SORCS2: variants seen among roughly 807,000 people sequenced by gnomAD.
SORCS2 encodes the protein VPS10 domain-containing receptor SorCS2.
A neutral mutation model predicts 141.6 loss-of-function variants in SORCS2; 100 were observed. The ratio of observed to expected loss-of-function variants is 0.71; its 90% CI spans 0.60 to 0.83. SORCS2 has a LOEUF of 0.83. Ranked by LOEUF, SORCS2 falls within the 40% of genes least tolerant of loss-of-function variation. The pLI is 0.00. For synonymous variants in SORCS2, 789 were observed against 676.9 expected (o/e 1.17, Z -2.57); for missense variants, 1,646 against 1,560.2 (o/e 1.05, Z -0.93).
intron 1 of SORCS2, among the ~76,000 whole-genome samples, chr4:7,374,171 C>G (rs1360023162): frequency 7.4e-6 from 1 of 135,592 alleles, no homozygotes; most frequent in African/African-American, 2.9e-5. Context: ...TTCTTTCTTT[C>G]TTTCTTTCTT....
intron 3 of SORCS2, among the ~76,000 whole-genome samples, chr4:7,570,219 G>A (rs1348483447): frequency 6.6e-6 from 1 of 152,216 alleles, no homozygotes; most frequent in Non-Finnish European, 1.5e-5. Flanking sequence ...CCCGTCTGCT[G>A]TGGAGTTCCG....
intron 3 of SORCS2, among the ~76,000 whole-genome samples, chr4:7,583,860 T>G (rs1716350212): frequency 6.6e-6 from 1 of 152,226 alleles, no homozygotes; most frequent in African/African-American, 2.4e-5. Flanking sequence ...TGTGGTTCAG[T>G]TTTATTCCCA....
chr4:7,704,418 G>C (rs1232373946), intron 14 of SORCS2, 134 bp downstream of exon 14: 31 of 788,934 alleles, frequency 3.9e-5, no homozygotes, highest in African/African-American at 8.6e-5. Context: ...AGGTCCCCTT[G>C]CTGGTGAGGA....
intron 1 of SORCS2, among the ~76,000 whole-genome samples, chr4:7,250,668 T>G (rs1713442305): frequency 6.6e-6 from 1 of 152,252 alleles, no homozygotes; most frequent in Non-Finnish European, 1.5e-5. Context: ...CCTTGGGGTC[T>G]TTCATGTATT....
At chr4:7,500,510 G>A (rs1731897884) in intron 2 of SORCS2, among the ~76,000 whole-genome samples, 1 of 152,146 alleles carries the variant, frequency 6.6e-6, no homozygotes, top group African/African-American at 2.4e-5. Flanking sequence ...CAGATCTGAG[G>A]AGATAGCCAG....
At chr4:7,491,609 C>A (rs1391944643) in intron 2 of SORCS2, among the ~76,000 whole-genome samples, 1 of 152,226 alleles carries the variant, frequency 6.6e-6, no homozygotes, top group African/African-American at 2.4e-5. Flanking sequence ...CCAGCAGGTC[C>A]CTTGACCTCT....
intron 1 of SORCS2, among the ~76,000 whole-genome samples, chr4:7,393,227 G>A (rs184104918): frequency 9.5e-4 from 145 of 152,198 alleles, no homozygotes; most frequent in African/African-American, 3.4e-3. Context: ...TGTGGGCTGC[G>A]GGCTCAGGCA....
chr4:7,198,707 T>A (rs1264609677), intron 1 of SORCS2, among the ~76,000 whole-genome samples: 1 of 152,148 alleles, frequency 6.6e-6, no homozygotes, highest in African/African-American at 2.4e-5. Context: ...CTGTCATACT[T>A]GCTGTCAGGA....
At chr4:7,548,547 AG>A (rs1713445686) in intron 3 of SORCS2, among the ~76,000 whole-genome samples, 1 of 152,158 alleles carries the variant, frequency 6.6e-6, no homozygotes, top group South Asian at 2.1e-4. Context: ...AGACAAAGGG[AG>A]GCCCAGCACA....
At chr4:7,580,135 C>G (rs1716046124) in intron 3 of SORCS2, among the ~76,000 whole-genome samples, 2 of 152,212 alleles carry the variant, frequency 1.3e-5, no homozygotes, top group Non-Finnish European at 2.9e-5. Context: ...CATATAGTAA[C>G]TTGTCATTTT....
chr4:7,209,616 G>C (rs1379833453), intron 1 of SORCS2, among the ~76,000 whole-genome samples: 1 of 152,100 alleles, frequency 6.6e-6, no homozygotes, highest in Admixed American at 6.5e-5. Context: ...GTTTGGAGCA[G>C]TCAGGCACAG....
chr4:7,566,202 G>A (rs1425830679), intron 3 of SORCS2, among the ~76,000 whole-genome samples: 8 of 151,926 alleles, frequency 5.3e-5, no homozygotes. Flanking sequence ...TGGTGATGGT[G>A]ATGGTGGTGA....
intron 14 of SORCS2, 27 bp downstream of exon 14, chr4:7,704,311 A>C: frequency 6.3e-7 from 1 of 1,578,148 alleles, no homozygotes; most frequent in Non-Finnish European, 8.6e-7. Context: ...GGGAGTGGGC[A>C]CTGGTGGCAG....
At chr4:7,227,986 C>T (rs73079898) in intron 1 of SORCS2, among the ~76,000 whole-genome samples, 36 of 152,258 alleles carry the variant, frequency 2.4e-4, no homozygotes, top group African/African-American at 7.5e-4. Context: ...GATGACTGAA[C>T]GGGAGCAAGC....
intron 2 of SORCS2, among the ~76,000 whole-genome samples, chr4:7,399,743 T>C (rs1724452317): frequency 6.6e-6 from 1 of 152,158 alleles, no homozygotes. Flanking sequence ...CAAAGCCCAA[T>C]GTGTAGACTG....
At chr4:7,438,908 T>G (rs910252293) in intron 2 of SORCS2, among the ~76,000 whole-genome samples, 8 of 152,126 alleles carry the variant, frequency 5.3e-5, no homozygotes, top group Non-Finnish European at 1.0e-4. Context: ...GATGCCTAAA[T>G]TGTCCCAGAT....
chr4:7,685,138 G>A (rs1474458220), intron 10 of SORCS2, among the ~76,000 whole-genome samples: 2 of 152,322 alleles, frequency 1.3e-5, no homozygotes, highest in South Asian at 4.1e-4. Flanking sequence ...ATCATCATTG[G>A]CAAAGTTAAG....
At chr4:7,642,702 C>T (rs1164019380) in intron 4 of SORCS2, among the ~76,000 whole-genome samples, 1 of 152,112 alleles carries the variant, frequency 6.6e-6, no homozygotes, top group Non-Finnish European at 1.5e-5. Context: ...CAGAAACAAG[C>T]ATTATTTCTT....
At chr4:7,682,985 G>T in intron 10 of SORCS2, 96 bp downstream of exon 10, 1 of 1,443,324 alleles carries the variant, frequency 6.9e-7, no homozygotes, top group South Asian at 1.4e-5. Context: ...TGTCTGAGAA[G>T]GACCATCTGA....
Sources: gnomAD v4.1 joint callset for allele counts (sites outside exome capture counted in the v4.1 genomes callset) on GRCh38, gnomAD v4.1.1 for gene constraint, MANE v1.5 for transcripts, NCBI Gene and HGNC (gene_info 2026-07-23, HGNC 2026-07-21) for gene names.